Variants in UTP20 observed in about 807,000 individuals in gnomAD.
UTP20 encodes small subunit processome component 20 homolog.
In UTP20, 164 loss-of-function variants were observed where a neutral mutation model predicts 329.5. The observed-to-expected ratio is 0.50, with a 90% CI of 0.44 to 0.57. The LOEUF is 0.57. Among genes scored for constraint, UTP20 ranks in the 20% least tolerant of loss-of-function variants. The pLI is 0.00. For missense variants in UTP20, 3,055 were observed against 3,284.2 expected, an observed-to-expected ratio of 0.93 and a Z score of 1.71; for synonymous variants, 1,151 against 1,159.3, an observed-to-expected ratio of 0.99 and a Z score of 0.14.
At chr12:101,331,818 G>A (rs59014799) in intron 27 of UTP20, among the ~76,000 whole-genome samples, 4,811 of 151,854 alleles carry the variant, frequency 0.032, 285 homozygotes, top group African/African-American at 0.11. Flanking sequence ...ATTATCACTT[G>A]TATGTCTAGA....
At chr12:101,349,842 C>T (rs1165777477) in intron 38 of UTP20, among the ~76,000 whole-genome samples, 1 of 152,014 alleles carries the variant, frequency 6.6e-6, no homozygotes, top group African/African-American at 2.4e-5. Context: ...GAAGTTGTTC[C>T]ATAACTCAGA....
At chr12:101,292,551 G>A (rs924844571) in intron 10 of UTP20, among the ~76,000 whole-genome samples, 7 of 152,148 alleles carry the variant, frequency 4.6e-5, no homozygotes, top group African/African-American at 1.4e-4. Flanking sequence ...TGGGGTTGAG[G>A]AACAGAGAAA....
In UTP20 at chr12:101,386,047, T is replaced by TA. The variant is rs773497564; in HGVS notation, c.8283dup (p.Glu2762ArgfsTer8). 17 of 1,609,756 alleles carry TA rather than the reference T, an allele frequency of 1.1e-5. No homozygotes were observed. The highest frequency in any genetic ancestry group is 1.7e-5 in the Admixed American group (1 of 58,276). ...AAAAGTGAAGCAAAGAAGAGAAAGA[T>TA]AGAGTTCCTGCGTCCAGGATATAAG... On this transcript the variant is annotated frameshift_variant, in exon 62 of 62. Coordinates refer to ENST00000261637, the MANE Select transcript of UTP20 (RefSeq NM_014503.3). LOFTEE classifies it high-confidence loss of function.
At position 101,298,874 on chromosome 12, in the gene UTP20, G is replaced by GT. The variant is rs982118310; in HGVS notation, c.1431-797dup. Among the ~76,000 whole-genome samples, 172 of 143,430 alleles carry GT rather than the reference G, an allele frequency of 1.2e-3. 1 individual carries two copies. The highest frequency in any genetic ancestry group is 2.8e-3 in the East Asian group (14 of 4,934). 94.1% of individuals were successfully genotyped at this position (143,430 alleles called of 152,430 possible). ...TGGAGAATTTTTTTTCTTTGTTTTT[G>GT]TTTTTTTTTTTCCTTCCTTCCCCTA... On this transcript the variant is annotated intron_variant, in intron 12 of 61. Transcript: ENST00000261637.
At position 101,333,324 on chromosome 12, in the gene UTP20, A is replaced by G; in HGVS notation, c.3441A>G (p.Pro1147=). ...AGATACAGCTGAGATTTATTAATCC[A>G]TTGAAAAATTTAAGACGTCTTGGAA... The part of the protein sequence containing the change: ...REKIQLRFIN[P]LKNLRRLGIK... Residue 1147 remains proline, a synonymous_variant, in exon 28 of 62, where the codon CCA becomes CCG. Coordinates refer to ENST00000261637, the MANE Select transcript of UTP20 (RefSeq NM_014503.3). The G allele has an allele frequency of 2.5e-6, 4 of 1,613,832 alleles. No homozygotes were observed. Among genetic ancestry groups the G allele is most frequent in the Non-Finnish European group, 3.4e-6 (4 of 1,179,864 alleles).
Position 101,374,897 on chromosome 12 carries a change from TC to T in UTP20, c.7223del (p.Pro2408LeufsTer2). On this transcript the variant is annotated frameshift_variant, in exon 55 of 62. Coordinates refer to ENST00000261637, the MANE Select transcript of UTP20 (RefSeq NM_014503.3). LOFTEE classifies it high-confidence loss of function. ...TTGAGAAAAGACTTGGAACTGTCCT[TC>T]CTGTGATTGAAAAGGAAATTGATCC... ...DFEKRLGTVL[P>X]VIEKEIDPEN... The T allele has an allele frequency of 6.2e-7, 1 of 1,610,880 alleles. No individual in the cohort carries two copies. The highest frequency in any genetic ancestry group is 8.5e-7 in the Non-Finnish European group (1 of 1,177,090).
At chr12:101,331,736 G>T (rs1868767767) in intron 27 of UTP20, among the ~76,000 whole-genome samples, 1 of 152,148 alleles carries the variant, frequency 6.6e-6, no homozygotes, top group African/African-American at 2.4e-5. Flanking sequence ...GAGAGCATTT[G>T]TGTTGTCTTT....
In UTP20 at chr12:101,366,638, G is replaced by A. The variant is rs780163654; in HGVS notation, c.6206G>A (p.Gly2069Glu). 10 of 1,613,984 alleles carry A rather than the reference G, an allele frequency of 6.2e-6. No homozygotes were observed. Among genetic ancestry groups the A allele is most frequent in the South Asian group, 1.1e-5 (1 of 91,078 alleles). ...LLLPPTPVRGGQKAVVSRKTN... is the reference protein window; with the variant it reads ...LLLPPTPVRGEQKAVVSRKTN... ...CTTCCCCCAACTCCAGTTCGAGGTG[G>A]ACAGAAAGCTGTTGTGAGCAGGAAA... The change falls in exon 47 of 62, where the codon GGA becomes GAA. Residue 2069 changes from glycine to glutamate, a missense_variant. Coordinates refer to ENST00000261637, the MANE Select transcript of UTP20 (RefSeq NM_014503.3).
chr12:101,372,952 C>T lies in UTP20; in HGVS notation c.6867C>T (p.Leu2289=), dbSNP rs1364264713. 4.3e-6 allele frequency: 7 copies of T among 1,613,778 alleles called. No individual in the cohort carries two copies. The highest frequency in any genetic ancestry group is 5.9e-6 in the Non-Finnish European group (7 of 1,179,688). Residue 2289 remains leucine (L), a synonymous_variant, in exon 52 of 62, where the codon CTC becomes CTT. Transcript: ENST00000261637. ...DKLRPNLEFM[L]AQLNYEHETG... ...TGAGACCAAACTTGGAATTCATGCT[C>T]GCTCAACTGAAGTAAGCTTAAGCTA...
chr12:101,299,931 A>G, intron 13 of UTP20, 42 bp from the exon 14 acceptor site: 1 of 1,611,342 alleles, frequency 6.2e-7, no homozygotes, highest in Non-Finnish European at 8.5e-7. Context: ...CAAACCATTG[A>G]ATGCCAGTTT....
intron 11 of UTP20, among the ~76,000 whole-genome samples, chr12:101,293,539 A>G (rs1334074850): frequency 5.9e-5 from 9 of 152,234 alleles, no homozygotes; most frequent in Admixed American, 2.6e-4. Context: ...GCACTGGTGG[A>G]AGTTTGCAAA....
At chr12:101,319,422 A>T in intron 22 of UTP20, 123 bp from the exon 23 acceptor site, 2 of 659,140 alleles carry the variant, frequency 3.0e-6, no homozygotes, top group Non-Finnish European at 5.0e-6. Context: ...CCTTGTTTAT[A>T]TAATAGTGAA....
rs1293983077 is a variant in UTP20, at chr12:101,349,628, A to G, written c.4885-2427A>G. ...TAATTTTATTATATTTTTGGTAGAGACAGGGTTTCATTATGTTTTCCAGGC... is the reference window on the plus strand; with the variant it reads ...TAATTTTATTATATTTTTGGTAGAGGCAGGGTTTCATTATGTTTTCCAGGC... On this transcript the variant is annotated intron_variant, in intron 38 of 61. Coordinates refer to ENST00000261637, the MANE Select transcript of UTP20 (RefSeq NM_014503.3). 5.9e-5 allele frequency among the ~76,000 whole-genome samples: 9 copies of G among 152,176 alleles called. No individual in the cohort carries two copies. In the East Asian group the frequency reaches 7.7e-4, roughly 13 times the overall value.
chr12:101,335,634 T>A (rs1868909117), intron 29 of UTP20, among the ~76,000 whole-genome samples: 1 of 152,334 alleles, frequency 6.6e-6, no homozygotes, highest in Middle Eastern at 3.4e-3. Context: ...AAAGGTTTTA[T>A]TATTGATTCA....
rs763664877 is a variant in UTP20, at chr12:101,375,721, T to A, written c.7361T>A (p.Phe2454Tyr). ...KLIKECNIIQ[F>Y]TKPAETLSKI... ...ATCAAGGAATGTAATATTATTCAGT[T>A]TACCAAACCCGCTGAGACTTTGAGT... Residue 2454 changes from phenylalanine (F) to tyrosine (Y), a missense_variant, in exon 56 of 62, where the codon TTT (phenylalanine) becomes TAT (tyrosine). This residue lies in a region of UTP20 where 273 missense variants were observed against 363.1 expected (regional missense o/e 0.75). Transcript: ENST00000261637. 8.8e-6 allele frequency: 14 copies of A among 1,597,796 alleles called. No individual in the cohort carries two copies. In the Admixed American group the frequency reaches 1.9e-4, roughly 21 times the overall value.
rs1231368746 is a variant in UTP20 at position 101,288,849 on chromosome 12, C to G, written c.516-111C>G. The stretch of plus-strand genomic sequence containing the variant: ...AGATTTTAAATTTGTTTGATACCTG[C>G]TGTGTATTCCTTGCATACCCAGCAC... On this transcript the variant is annotated intron_variant, in intron 5 of 61. Coordinates refer to ENST00000261637, the MANE Select transcript of UTP20 (RefSeq NM_014503.3). 4 of 898,606 alleles carry G rather than the reference C, an allele frequency of 4.5e-6. No individual in the cohort carries two copies. In the East Asian group the frequency reaches 1.1e-4, roughly 24 times the overall value. 55.7% of individuals were successfully genotyped at this position (898,606 alleles called of 1,614,324 possible). A position where few individuals can be genotyped will look rare whatever the true frequency, so the allele number is the denominator to read the frequency against.
At chr12:101,339,845 A>G (rs912011978) in intron 31 of UTP20, among the ~76,000 whole-genome samples, 2 of 152,244 alleles carry the variant, frequency 1.3e-5, no homozygotes, top group African/African-American at 4.8e-5. Context: ...TACTTACAAC[A>G]GTGTCAACAA....
intron 44 of UTP20, 86 bp downstream of exon 44, chr12:101,362,146 T>C: frequency 1.0e-6 from 1 of 964,202 alleles, no homozygotes; most frequent in East Asian, 2.5e-5. Context: ...GAAATAATAA[T>C]AGCCCATAAA....
intron 5 of UTP20, among the ~76,000 whole-genome samples, chr12:101,287,992 C>T (rs549259614): frequency 5.9e-5 from 9 of 152,260 alleles, no homozygotes; most frequent in Admixed American, 3.3e-4. Context: ...CCCTGTGGAC[C>T]GCTGTAAGGT....
Sources: gnomAD v4.1 joint callset for allele counts (sites outside exome capture counted in the v4.1 genomes callset) on GRCh38, gnomAD v4.1.1 for gene constraint, gnomAD v4.1.1 regional missense constraint, MANE v1.5 for transcripts, NCBI Gene and HGNC (gene_info 2026-07-23, HGNC 2026-07-21) for gene names.